Variants in UNC13A observed in about 807,000 individuals in gnomAD.
UNC13A encodes protein unc-13 homolog A.
Under a neutral mutation model 219.7 loss-of-function variants are expected in UNC13A, and 61 were observed. That is an observed-to-expected ratio of 0.28 (90% CI 0.23 to 0.34). The LOEUF is 0.34. Ranked by LOEUF, UNC13A falls within the 10% of genes least tolerant of loss-of-function variation. The pLI, the probability that UNC13A is intolerant of heterozygous loss-of-function variation, is 1.00. For synonymous variants in UNC13A, 920 were observed against 884.6 expected (o/e 1.04, Z -0.71); for missense variants, 1,476 against 2,270.3 (o/e 0.65, Z 7.11).
chr19:17,674,998 G>C lies in UNC13A; in HGVS notation c.53-242C>G, dbSNP rs2079869438. On this transcript the variant is annotated intron_variant, in intron 2 of 43. Transcript: ENST00000519716. This position sits in a 1 kb window ranked among gnomAD's most constrained non-coding sequence, Gnocchi z 5.0. ...ATTGGTTTTCAGCTAAAAAGACTGA[G>C]GTCCCAGAAAAGGGGAACAAAATTG... Among the ~76,000 whole-genome samples, 2 of 152,250 alleles carry C rather than the reference G, an allele frequency of 1.3e-5. No homozygotes were observed. The highest frequency in any genetic ancestry group is 2.4e-5 in the African/African-American group (1 of 41,562).
Position 17,658,160 on chromosome 19 carries a change from G to A in UNC13A, c.669C>T (p.Val223=). Reference sequence around the variant, plus strand: ...GTGGTGGGCGAACAGAATATTGGTGGACTGAGGCGTTGGGTTGTGACGTAG... The same window carrying A: ...GTGGTGGGCGAACAGAATATTGGTGAACTGAGGCGTTGGGTTGTGACGTAG... ...YYTTSQPNAS[V]HQYSVRPPPL... The change falls in exon 9 of 44, where the codon GTC becomes GTT. Residue 223 remains valine, a synonymous_variant. Transcript: ENST00000519716. The A allele has an allele frequency of 2.5e-6, 4 of 1,613,984 alleles. No homozygotes were observed. Among genetic ancestry groups the A allele is most frequent in the Non-Finnish European group, 3.4e-6 (4 of 1,179,898 alleles).
chr19:17,664,357 A>G (rs1215313676), intron 7 of UNC13A, among the ~76,000 whole-genome samples: 3 of 152,188 alleles, frequency 2.0e-5, no homozygotes, highest in South Asian at 2.1e-4. Flanking sequence ...TGAGCAGCCC[A>G]AAGTCACAGA....
chr19:17,646,826 G>A (rs1381784998), intron 17 of UNC13A, among the ~76,000 whole-genome samples: 2 of 152,120 alleles, frequency 1.3e-5, no homozygotes, highest in Non-Finnish European at 1.5e-5. Context: ...CAGTATCCTC[G>A]CCCCTAAGTG....
intron 26 of UNC13A, 79 bp from the exon 27 acceptor site, chr19:17,633,272 C>T (rs2076876827): frequency 2.4e-6 from 3 of 1,276,418 alleles, no homozygotes; most frequent in Non-Finnish European, 2.3e-6. Flanking sequence ...CCCTGCCCCA[C>T]AGAGGAGTGT....
intron 4 of UNC13A, among the ~76,000 whole-genome samples, chr19:17,671,980 A>G (rs1037438607): frequency 1.3e-5 from 2 of 152,146 alleles, no homozygotes; most frequent in Non-Finnish European, 2.9e-5. Context: ...TGCCTAGGGA[A>G]GCACAGCCCA....
chr19:17,649,562 C>T lies in UNC13A; in HGVS notation c.1465G>A (p.Asp489Asn), dbSNP rs1377403332. The change falls in exon 13 of 44, where the codon GAC becomes AAC. Residue 489 changes from aspartate (D) to asparagine (N), a missense_variant. Physicochemically the swap from Asp to Asn is conservative, Grantham distance 23. Coordinates refer to ENST00000519716, the MANE Select transcript of UNC13A (RefSeq NM_001080421.3). The surrounding 1 kb of genome is among the most constrained non-coding windows in gnomAD (Gnocchi z 4.4). ...GGPGGGLIII[D>N]SMPDIRKRKP... The stretch of plus-strand genomic sequence containing the variant: ...CTCTTGCGGATGTCTGGCATGCTGT[C>T]GATGATGATGAGACCGCCCCCTGGG... 1.9e-6 allele frequency: 3 copies of T among 1,613,790 alleles called. No homozygotes were observed. The highest frequency in any genetic ancestry group is 2.5e-6 in the Non-Finnish European group (3 of 1,179,846).
Position 17,605,769 on chromosome 19 carries a change from T to G in UNC13A, c.*285A>C, listed in dbSNP as rs527499410. 32 of 383,846 alleles carry G rather than the reference T, an allele frequency of 8.3e-5. No individual in the cohort carries two copies. The highest frequency in any genetic ancestry group is 6.1e-4 in the African/African-American group (29 of 47,236). The allele number at this position is 383,846 out of a possible 1,614,324, so 23.8% of individuals were successfully genotyped here. On this transcript the variant is annotated 3_prime_UTR_variant, in exon 44 of 44. Transcript: ENST00000519716. The stretch of plus-strand genomic sequence containing the variant: ...CTCCATAGGGACGAGGTTTCCCCCA[T>G]CCCAGCTCAAAATGCCCCCTAGGTG...
rs1439604555 is a variant in UNC13A, at chr19:17,658,274, AAG to A, written c.560-7_560-6del. 6 of 1,609,922 alleles carry A rather than the reference AAG, an allele frequency of 3.7e-6. No homozygotes were observed. In the African/African-American group the frequency reaches 4.0e-5, roughly 11 times the overall value. On this transcript the variant is annotated splice_polypyrimidine_tract_variant and splice_region_variant and intron_variant, in intron 8 of 43. Coordinates refer to ENST00000519716, the MANE Select transcript of UNC13A (RefSeq NM_001080421.3). ...CTGCACTGTCGGGGTCATCGTCTGG[AAG>A]AGAGAGGCGGTATGGGAAGAGGGTG... is the stretch of plus-strand genomic sequence containing the variant.
At chr19:17,630,393 C>T (rs571570833) in intron 29 of UNC13A, 105 bp from the exon 30 acceptor site, 50 of 1,495,822 alleles carry the variant, frequency 3.3e-5, no homozygotes, top group East Asian at 1.5e-4. Context: ...CCAATTTCCC[C>T]GGGGTGAGAT....
intron 11 of UNC13A, among the ~76,000 whole-genome samples, 194 bp downstream of exon 11, chr19:17,655,080 A>T (rs955297838): frequency 6.6e-6 from 1 of 152,188 alleles, no homozygotes; most frequent in African/African-American, 2.4e-5. Context: ...GGGTGGGGCC[A>T]GGGAAGGGCT....
intron 42 of UNC13A, among the ~76,000 whole-genome samples, chr19:17,611,428 T>G (rs911895678): frequency 6.6e-6 from 1 of 152,224 alleles, no homozygotes; most frequent in Admixed American, 6.5e-5. Flanking sequence ...TCCGCCAGCT[T>G]TGGCCTCCCA....
chr19:17,627,694 T>G lies in UNC13A; in HGVS notation c.3832-97A>C, dbSNP rs923601924. The G allele has an allele frequency of 7.8e-7, 1 of 1,282,054 alleles. No individual in the cohort carries two copies. The highest frequency in any genetic ancestry group is 1.1e-6 in the Non-Finnish European group (1 of 908,034). 79.4% of individuals were successfully genotyped at this position (1,282,054 alleles called of 1,614,324 possible). ...CCCAGGGAAAGGGATCCCAAGGGGC[T>G]GCAGGGGAAACTGAGGCACAGACCG... On this transcript the variant is annotated intron_variant, in intron 32 of 43. Coordinates refer to ENST00000519716, the MANE Select transcript of UNC13A (RefSeq NM_001080421.3). The surrounding 1 kb of genome is among the most constrained non-coding windows in gnomAD (Gnocchi z 4.7).
At chr19:17,685,509 G>GGATCTTTATGTGACATGTATA (rs1404368680) in intron 1 of UNC13A, among the ~76,000 whole-genome samples, 1 of 152,112 alleles carries the variant, frequency 6.6e-6, no homozygotes, top group Non-Finnish European at 1.5e-5. Flanking sequence ...GGACATGGGT[G>GGATCTTTATGTGACATGTATA]GATCTTTATG....
At chr19:17,682,247 G>A (rs1443760835) in intron 1 of UNC13A, among the ~76,000 whole-genome samples, 1 of 152,098 alleles carries the variant, frequency 6.6e-6, no homozygotes, top group Non-Finnish European at 1.5e-5. Flanking sequence ...AGCCACCGGG[G>A]CCGGCCCATC....
intron 8 of UNC13A, among the ~76,000 whole-genome samples, chr19:17,662,875 G>A (rs1396593080): frequency 2.0e-5 from 3 of 150,016 alleles, no homozygotes; most frequent in African/African-American, 4.9e-5. Context: ...AGCTGAGATC[G>A]TGCCACTGCC....
At chr19:17,673,968 G>A (rs1244731745) in intron 3 of UNC13A, among the ~76,000 whole-genome samples, 1 of 151,500 alleles carries the variant, frequency 6.6e-6, no homozygotes, top group Non-Finnish European at 1.5e-5. Flanking sequence ...CCGAGATTAT[G>A]CCACTGTACT....
chr19:17,649,476 T>A lies in UNC13A; in HGVS notation c.1518+33A>T. ...TGTGCACTGCTTATAGCAGGCCTGC[T>A]CTGCTCAGGGAGTAAAGGGCGAGGG... On this transcript the variant is annotated intron_variant, in intron 13 of 43. Transcript: ENST00000519716. The surrounding 1 kb of genome is among the most constrained non-coding windows in gnomAD (Gnocchi z 4.4). The A allele has an allele frequency of 6.2e-7, 1 of 1,613,718 alleles. No homozygotes were observed. The highest frequency in any genetic ancestry group is 8.5e-7 in the Non-Finnish European group (1 of 1,179,702).
intron 4 of UNC13A, among the ~76,000 whole-genome samples, chr19:17,670,048 G>A (rs887901181): frequency 2.0e-5 from 3 of 149,324 alleles, no homozygotes; most frequent in African/African-American, 4.9e-5. Flanking sequence ...CTGGGTTCAC[G>A]CCATTCTCCT....
intron 4 of UNC13A, 149 bp downstream of exon 4, chr19:17,672,229 G>A (rs2079802806): frequency 1.5e-6 from 1 of 680,264 alleles, no homozygotes; most frequent in African/African-American, 1.8e-5. Context: ...ATAGGCTCTA[G>A]TGACTTTGGA....
Sources: allele counts gnomAD v4.1 joint callset (sites outside exome capture counted in the v4.1 genomes callset), GRCh38; gene constraint gnomAD v4.1.1; non-coding constraint Gnocchi (gnomAD v3.1); transcripts MANE v1.5; gene names NCBI Gene and HGNC (gene_info 2026-07-23, HGNC 2026-07-21).